Variants in CTNNA2 observed in about 807,000 individuals in gnomAD.
CTNNA2 encodes the protein catenin alpha 2.
A neutral mutation model predicts 101.0 loss-of-function variants in CTNNA2; 42 were observed. The observed-to-expected ratio is 0.42, with a 90% CI of 0.32 to 0.54. The LOEUF (loss-of-function observed/expected upper bound fraction) is 0.54, where lower values mean the gene tolerates loss of function less well. Among genes scored for constraint, CTNNA2 ranks in the 20% least tolerant of loss-of-function variants. CTNNA2 has a pLI of 0.14. For missense variants in CTNNA2, 871 were observed against 1,223.1 expected (o/e 0.71, Z 4.29); for synonymous variants, 450 against 456.4 (o/e 0.99, Z 0.18).
chr2:80,021,485 C>A (rs1049456233), intron 7 of CTNNA2, among the ~76,000 whole-genome samples: 88 of 152,220 alleles, frequency 5.8e-4, no homozygotes, highest in African/African-American at 2.1e-3. Context: ...CAAAGACCAC[C>A]TTAACAAAGA....
At chr2:79,741,975 C>G (rs1671316398) in intron 2 of CTNNA2, among the ~76,000 whole-genome samples, 1 of 152,070 alleles carries the variant, frequency 6.6e-6, no homozygotes, top group African/African-American at 2.4e-5. Context: ...TCTCTTTTCC[C>G]TTTCTTCCCT....
At chr2:79,786,865 A>G (rs6761476) in intron 3 of CTNNA2, among the ~76,000 whole-genome samples, 26,547 of 151,786 alleles carry the variant, frequency 0.17, 4,048 homozygotes, top group African/African-American at 0.4. Flanking sequence ...CCTGCCTCTG[A>G]ACTGTTTATC....
chr2:80,427,625 GC>G (rs1402266387), intron 9 of CTNNA2, among the ~76,000 whole-genome samples: 1 of 152,152 alleles, frequency 6.6e-6, no homozygotes, highest in Non-Finnish European at 1.5e-5. Flanking sequence ...TGATAGCAGT[GC>G]CCCATGAAGG....
At chr2:79,620,038 T>A (rs2104279467) in intron 1 of CTNNA2, among the ~76,000 whole-genome samples, 1 of 152,160 alleles carries the variant, frequency 6.6e-6, no homozygotes, top group African/African-American at 2.4e-5. Context: ...AAAAAATGAG[T>A]GCGATAGATT....
intron 4 of CTNNA2, among the ~76,000 whole-genome samples, chr2:79,464,048 A>G (rs1670906519): frequency 6.6e-6 from 1 of 151,816 alleles, no homozygotes; most frequent in Admixed American, 6.6e-5. Context: ...GGTTGGTTAC[A>G]TATGTATAAT....
intron 7 of CTNNA2, among the ~76,000 whole-genome samples, chr2:80,271,983 T>G (rs978916441): frequency 6.6e-6 from 1 of 152,164 alleles, no homozygotes; most frequent in African/African-American, 2.4e-5. Flanking sequence ...GCCACCCCGG[T>G]TAGGTTGGAT....
At chr2:79,545,571 A>C (rs1352326920) in intron 1 of CTNNA2, among the ~76,000 whole-genome samples, 2 of 152,202 alleles carry the variant, frequency 1.3e-5, no homozygotes, top group Non-Finnish European at 2.9e-5. Flanking sequence ...AAACACACTA[A>C]AATGATAAAA....
intron 9 of CTNNA2, among the ~76,000 whole-genome samples, chr2:80,532,638 T>C (rs184722517): frequency 6.6e-6 from 1 of 152,312 alleles, no homozygotes; most frequent in East Asian, 1.9e-4. Context: ...AAATACATTA[T>C]GTATATAGGG....
intron 13 of CTNNA2, among the ~76,000 whole-genome samples, chr2:80,574,877 A>G (rs1031465796): frequency 1.3e-5 from 2 of 152,164 alleles, no homozygotes; most frequent in Non-Finnish European, 2.9e-5. Flanking sequence ...GTCTTCCAAA[A>G]TGTTGTCTAA....
At chr2:80,531,298 A>G (rs1318165821) in intron 9 of CTNNA2, among the ~76,000 whole-genome samples, 1 of 152,190 alleles carries the variant, frequency 6.6e-6, no homozygotes, top group Non-Finnish European at 1.5e-5. Flanking sequence ...CAAGGGGCCA[A>G]TGAGGACTAG....
In CTNNA2 at chr2:79,875,161, G is replaced by A. The variant is rs553407470; in HGVS notation, c.852+819G>A. On this transcript the variant is annotated intron_variant, in intron 6 of 18. Coordinates refer to ENST00000402739, the MANE Select transcript of CTNNA2 (RefSeq NM_001282597.3). ...TAGGTGTGTCCTGGTGAGGGAAGAA[G>A]CAAGGAGGATTGTTCACTGTGCTGA... Among the ~76,000 whole-genome samples the A allele has an allele frequency of 2.0e-5, 3 of 152,230 alleles. No homozygotes were observed. In the East Asian group the frequency reaches 5.8e-4, roughly 30 times the overall value.
chr2:80,211,881 C>T (rs1558907342), intron 7 of CTNNA2, among the ~76,000 whole-genome samples: 1 of 151,924 alleles, frequency 6.6e-6, no homozygotes, highest in Non-Finnish European at 1.5e-5. Context: ...TTTGTGTCCT[C>T]TTTTATTTTG....
chr2:80,249,758 A>G (rs466010), intron 7 of CTNNA2, among the ~76,000 whole-genome samples: 78,493 of 151,934 alleles, frequency 0.52, 21,664 homozygotes, highest in Non-Finnish European at 0.63. Context: ...TGTGATCCAT[A>G]TGCGTGCAAT....
intron 7 of CTNNA2, among the ~76,000 whole-genome samples, chr2:80,342,620 A>C (rs1672343008): frequency 6.6e-6 from 1 of 152,222 alleles, no homozygotes; most frequent in Non-Finnish European, 1.5e-5. Flanking sequence ...TGAAATAATC[A>C]ACTGCCACCT....
intron 1 of CTNNA2, among the ~76,000 whole-genome samples, chr2:79,191,330 T>C (rs1455053323): frequency 6.6e-6 from 1 of 152,234 alleles, no homozygotes; most frequent in African/African-American, 2.4e-5. Context: ...TACACTGTAA[T>C]GGCATATCAT....
intron 9 of CTNNA2, among the ~76,000 whole-genome samples, chr2:80,424,016 C>T (rs911609767): frequency 1.6e-4 from 24 of 151,786 alleles, no homozygotes; most frequent in African/African-American, 4.8e-4. Context: ...AGTGCAGTGG[C>T]GCAATCTCTG....
At chr2:80,328,737 G>T (rs1402558750) in intron 7 of CTNNA2, among the ~76,000 whole-genome samples, 2 of 152,216 alleles carry the variant, frequency 1.3e-5, no homozygotes, top group Non-Finnish European at 2.9e-5. Context: ...TTATTGACAG[G>T]ATATGTTCTG....
At chr2:80,026,892 C>T (rs1052781268) in intron 7 of CTNNA2, among the ~76,000 whole-genome samples, 9 of 152,136 alleles carry the variant, frequency 5.9e-5, no homozygotes, top group African/African-American at 1.9e-4. Flanking sequence ...GAAGTCCCTA[C>T]TATGTATTTG....
At chr2:80,079,553 G>A (rs1174415594) in intron 7 of CTNNA2, among the ~76,000 whole-genome samples, 2 of 152,246 alleles carry the variant, frequency 1.3e-5, no homozygotes, top group Non-Finnish European at 2.9e-5. Context: ...AGTGGCTCAC[G>A]CCCGCAGTCC....
Sources: gnomAD v4.1 joint callset for allele counts (sites outside exome capture counted in the v4.1 genomes callset) on GRCh38, gnomAD v4.1.1 for gene constraint, MANE v1.5 for transcripts, NCBI Gene and HGNC (gene_info 2026-07-23, HGNC 2026-07-21) for gene names.